The following UQCR11 variants were observed in gnomAD, a reference collection of about 807,000 sequenced individuals.
UQCR11 encodes the protein ubiquinol-cytochrome c reductase, complex III subunit XI.
In UQCR11, 10 loss-of-function variants were observed where a neutral mutation model predicts 7.6. The ratio of observed to expected loss-of-function variants is 1.31; its 90% confidence interval spans 0.81 to 2.22. The LOEUF is 2.22. Ranked by LOEUF, UQCR11 falls within the 30% of genes most tolerant of loss-of-function variation. The pLI, the probability that UQCR11 is intolerant of heterozygous loss-of-function variation, is 0.00. For synonymous variants in UQCR11, 34 were observed against 34.9 expected (o/e 0.97, Z 0.09); for missense variants, 86 against 75.1 (o/e 1.15, Z -0.54).
chr19:1,602,381 C>A (rs1807438276), intron 1 of UQCR11: 1 of 152,202 alleles, frequency 6.6e-6, no homozygotes, highest in African/African-American at 2.4e-5. Flanking sequence ...GAGGCAGATG[C>A]CACCAACAGG....
chr19:1,605,305 C>T (rs2060758784), intron 1 of UQCR11, 55 bp downstream of exon 1: 3 of 1,517,280 alleles, frequency 2.0e-6, no homozygotes, highest in Non-Finnish European at 2.6e-6. Context: ...AACGCAGCGG[C>T]GCGGGGCTGG....
chr19:1,599,010 C>G (rs1268299761), intron 2 of UQCR11: 1 of 178,164 alleles, frequency 5.6e-6, no homozygotes, highest in African/African-American at 2.4e-5. Flanking sequence ...CACGTGGATG[C>G]GTCCAGGGCC....
At chr19:1,601,233 G>C (rs1269839667) in intron 1 of UQCR11, among the ~76,000 whole-genome samples, 1 of 152,146 alleles carries the variant, frequency 6.6e-6, no homozygotes, top group Non-Finnish European at 1.5e-5. Flanking sequence ...TGCCTCTGGA[G>C]AAGCCAGCTG....
chr19:1,601,692 T>C (rs1452247953), intron 1 of UQCR11, among the ~76,000 whole-genome samples: 1 of 151,438 alleles, frequency 6.6e-6, no homozygotes, highest in Non-Finnish European at 1.5e-5. Context: ...CACCCTCGGA[T>C]GAGACTGCAG....
At chr19:1,603,216 G>A (rs953809755) in intron 1 of UQCR11, among the ~76,000 whole-genome samples, 34 of 152,142 alleles carry the variant, frequency 2.2e-4, no homozygotes, top group African/African-American at 7.0e-4. Flanking sequence ...CACACCACAG[G>A]TCTCGTTTCT....
intron 2 of UQCR11, chr19:1,598,920 G>A (rs1232318457): frequency 6.1e-6 from 1 of 163,642 alleles, no homozygotes; most frequent in Non-Finnish European, 1.3e-5. Context: ...TAAGAGCACG[G>A]CCACGTGGGA....
At chr19:1,604,225 G>T (rs961760244) in intron 1 of UQCR11, among the ~76,000 whole-genome samples, 2 of 152,074 alleles carry the variant, frequency 1.3e-5, no homozygotes, top group African/African-American at 4.8e-5. Context: ...GATTACAGGC[G>T]TGAGTCACTG....
At position 1,605,230 on chromosome 19, in the gene UQCR11, C is replaced by T. The variant is rs2060758517; in HGVS notation, c.50+130G>A. ...TCTCGGCCTCAGTTTCCCCCTCTGT[C>T]ACCGGGAACAACAAGGGACCTGGGC... On this transcript the variant is annotated intron_variant, in intron 1 of 2. Transcript: ENST00000591899. The T allele has an allele frequency of 1.4e-5, 16 of 1,150,808 alleles. 2 individuals carry two copies. The South Asian group carries it at 2.7e-4, about 20-fold the overall frequency. The allele number at this position is 1,150,808 out of a possible 1,614,324, so 71.3% of individuals were successfully genotyped here.
At position 1,600,306 on chromosome 19, in the gene UQCR11, C is replaced by T. The variant is rs372538691; in HGVS notation, c.51-746G>A. ...TCGGCTCACTGCAATCTCCACCTCC[C>T]GGGTTCAAGCAATTCTCCTGCCTCA... On this transcript the variant is annotated intron_variant, in intron 1 of 2. Coordinates refer to ENST00000591899, the MANE Select transcript of UQCR11 (RefSeq NM_006830.4). 2.2e-4 allele frequency among the ~76,000 whole-genome samples: 34 copies of T among 151,692 alleles called. 1 individual carries two copies. Among genetic ancestry groups the T allele is most frequent in the African/African-American group, 7.0e-4 (29 of 41,364 alleles).
At chr19:1,605,005 G>A (rs1041513716) in intron 1 of UQCR11, among the ~76,000 whole-genome samples, 2 of 152,256 alleles carry the variant, frequency 1.3e-5, no homozygotes, top group African/African-American at 4.8e-5. Context: ...AGTGGCAAAG[G>A]CCGAAGATGC....
Position 1,600,531 on chromosome 19 carries a change from A to C in UQCR11, c.51-971T>G, listed in dbSNP as rs376144034. 4.9e-3 allele frequency among the ~76,000 whole-genome samples: 742 copies of C among 152,168 alleles called. 8 individuals are homozygous for C. Among genetic ancestry groups the C allele is most frequent in the African/African-American group, 0.017 (701 of 41,534 alleles). On this transcript the variant is annotated intron_variant, in intron 1 of 2. Transcript: ENST00000591899. Reference sequence around the variant, plus strand: ...CCCGGCCGGGCACAGGCTTCTAATGAGTAGAACGCAGCATGAGCAATGGGG... The same window carrying C: ...CCCGGCCGGGCACAGGCTTCTAATGCGTAGAACGCAGCATGAGCAATGGGG...
chr19:1,597,997 G>C lies in UQCR11; in HGVS notation c.*247C>G, dbSNP rs1200092556. The C allele has an allele frequency of 1.3e-5, 2 of 152,258 alleles. No homozygotes were observed. The highest frequency in any genetic ancestry group is 4.8e-5 in the African/African-American group (2 of 41,458). The allele number at this position is 152,258 out of a possible 1,614,324, so 9.4% of individuals were successfully genotyped here. On this transcript the variant is annotated 3_prime_UTR_variant, in exon 3 of 3. Coordinates refer to ENST00000591899, the MANE Select transcript of UQCR11 (RefSeq NM_006830.4). Reference sequence around the variant, plus strand: ...CGCCTGGGTCACCTGTGCCACTCCAGCTACAGTCACAGTAACCAAGCCACC... The same window carrying C: ...CGCCTGGGTCACCTGTGCCACTCCACCTACAGTCACAGTAACCAAGCCACC...
At position 1,598,574 on chromosome 19, in the gene UQCR11, A is replaced by G. The variant is rs142569188; in HGVS notation, c.*29-359T>C. Among the ~76,000 whole-genome samples the G allele has an allele frequency of 3.3e-3, 493 of 151,502 alleles. 3 individuals are homozygous for G. Among genetic ancestry groups the G allele is most frequent in the African/African-American group, 0.011 (473 of 41,324 alleles). ...AAAAAAAAAAAAATTAGCTGCGTGT[A>G]GTGGTGGGCACCTGTAGTCCCAGCT... On this transcript the variant is annotated intron_variant, in intron 2 of 2. Coordinates refer to ENST00000591899, the MANE Select transcript of UQCR11 (RefSeq NM_006830.4).
chr19:1,605,338 G>A (rs1253559223), intron 1 of UQCR11, 22 bp downstream of exon 1: 25 of 1,562,464 alleles, frequency 1.6e-5, no homozygotes, highest in Non-Finnish European at 2.1e-5. Flanking sequence ...GCGCGGATGG[G>A]GCCGCGGGTC....
intron 1 of UQCR11, among the ~76,000 whole-genome samples, chr19:1,600,007 G>A (rs942266434): frequency 2.0e-4 from 30 of 152,350 alleles, no homozygotes; most frequent in African/African-American, 6.5e-4. Flanking sequence ...CACAGCTGGC[G>A]AGGATCGAGG....
chr19:1,601,659 G>A (rs911031697), intron 1 of UQCR11, among the ~76,000 whole-genome samples: 43 of 151,498 alleles, frequency 2.8e-4, no homozygotes, highest in Admixed American at 2.6e-3. Flanking sequence ...GTGAGTGATC[G>A]TGGAAACGGA....
Position 1,599,460 on chromosome 19 carries a change from T to G in UQCR11, c.151A>C (p.Lys51Gln). ...TGTAATTAATTATCCTTCTTAAACT[T>G]GCCATTGATGTAAGGTACCCAGTCC... ...ILDWVPYING[K>Q]FKKDN The change falls in exon 2 of 3, where the codon AAG becomes CAG. Residue 51 changes from lysine (K) to glutamine (Q), a missense_variant. Lys to Gln is a moderately conservative substitution (Grantham distance 53). Coordinates refer to ENST00000591899, the MANE Select transcript of UQCR11 (RefSeq NM_006830.4). The G allele has an allele frequency of 6.2e-7, 1 of 1,613,882 alleles. No homozygotes were observed. The highest frequency in any genetic ancestry group is 8.5e-7 in the Non-Finnish European group (1 of 1,180,002).
At chr19:1,605,260 C>CCCGGCCCGGCCCCCGGAAACGCGCAA in intron 1 of UQCR11, 100 bp downstream of exon 1, 1 of 1,369,828 alleles carries the variant, frequency 7.3e-7, no homozygotes, top group African/African-American at 1.5e-5. Context: ...CTGGGCCCGG[C>CCCGGCCCGGCCCCCGGAAACGCGCAA]CCGGCCCGGC....
At chr19:1,600,056 C>T (rs748106644) in intron 1 of UQCR11, among the ~76,000 whole-genome samples, 115 of 152,214 alleles carry the variant, frequency 7.6e-4, no homozygotes, top group Admixed American at 6.9e-3. Context: ...CACCACGGCA[C>T]GTGCTGTGAG....
Sources: allele counts gnomAD v4.1 joint callset (sites outside exome capture counted in the v4.1 genomes callset), GRCh38; gene constraint gnomAD v4.1.1; transcripts MANE v1.5; gene names NCBI Gene and HGNC (gene_info 2026-07-23, HGNC 2026-07-21).